Variants in ARCN1 observed in about 807,000 individuals in gnomAD.
The protein encoded by ARCN1 is coatomer subunit delta.
A neutral mutation model predicts 60.4 loss-of-function variants in ARCN1; 5 were observed. That is an observed-to-expected ratio of 0.08 (90% CI 0.04 to 0.17). The LOEUF (loss-of-function observed/expected upper bound fraction) is 0.17, where lower values mean the gene tolerates loss of function less well. ARCN1 is among the 10% of genes least tolerant of loss of function. The pLI is 1.00. For missense variants in ARCN1, 464 were observed against 626.5 expected, an observed-to-expected ratio of 0.74 and a Z score of 2.77; for synonymous variants, 224 against 220.0, an observed-to-expected ratio of 1.02 and a Z score of -0.16.
At chr11:118,598,415 A>T (rs952816479) in intron 9 of ARCN1, among the ~76,000 whole-genome samples, 5 of 151,884 alleles carry the variant, frequency 3.3e-5, no homozygotes, top group African/African-American at 1.2e-4. Flanking sequence ...ACAAATAATC[A>T]TGAGCCAATT....
intron 1 of ARCN1, among the ~76,000 whole-genome samples, chr11:118,575,206 C>A (rs1482119171): frequency 6.6e-6 from 1 of 152,118 alleles, no homozygotes; most frequent in Non-Finnish European, 1.5e-5. Flanking sequence ...TCTCGATCTC[C>A]TCACCTCGTG....
intron 1 of ARCN1, 30 bp downstream of exon 1, chr11:118,572,580 G>T: frequency 6.2e-7 from 1 of 1,601,878 alleles, no homozygotes; most frequent in East Asian, 2.3e-5. Flanking sequence ...CCGAACTCCT[G>T]GGGTCCGAGC....
intron 5 of ARCN1, among the ~76,000 whole-genome samples, chr11:118,588,428 T>C (rs1938822930): frequency 1.3e-5 from 2 of 152,216 alleles, no homozygotes; most frequent in Admixed American, 1.3e-4. Flanking sequence ...ATGGGAGTTA[T>C]GAGCTAGGAA....
chr11:118,589,595 G>T (rs1938852192), intron 5 of ARCN1, among the ~76,000 whole-genome samples: 1 of 152,052 alleles, frequency 6.6e-6, no homozygotes, highest in African/African-American at 2.4e-5. Context: ...TTTTGTTTTT[G>T]TATTTTTAGT....
At position 118,583,865 on chromosome 11, in the gene ARCN1, G is replaced by A; in HGVS notation, c.504G>A (p.Gln168=). 6.2e-7 allele frequency: 1 copy of A among 1,614,216 alleles called. No homozygotes were observed. Among genetic ancestry groups the A allele is most frequent in the African/African-American group, 1.3e-5 (1 of 75,060 alleles). The change falls in exon 4 of 10, where the codon CAG becomes CAA. Residue 168 remains glutamine (Q), a synonymous_variant. Transcript: ENST00000264028. ...GTCGTAAAGCAAAGGAATTACAACA[G>A]GCCCGAAGAGATGCAGAGAGACAGG... ...EMRRKAKELQ[Q]ARRDAERQGK...
chr11:118,590,624 C>G, intron 6 of ARCN1, 118 bp downstream of exon 6: 1 of 1,042,264 alleles, frequency 9.6e-7, no homozygotes, highest in African/African-American at 1.6e-5. Flanking sequence ...ACTAGCATCA[C>G]TCTAAACGCT....
intron 1 of ARCN1, among the ~76,000 whole-genome samples, chr11:118,576,567 C>A (rs1009548128): frequency 6.6e-6 from 1 of 151,334 alleles, no homozygotes; most frequent in African/African-American, 2.4e-5. Context: ...AATTGTTAAA[C>A]CAGTAAACAT....
In ARCN1 at chr11:118,583,345, G is replaced by T. The variant is rs1555074949; in HGVS notation, c.434G>T (p.Arg145Ile). ...GATTCTCATGAGGAGAAGGTGTTCA[G>T]AGCCGTCAGAGAGGTAAATAGGATC... is the stretch of plus-strand genomic sequence containing the variant. Reference protein sequence around the residue: ...EMDSHEEKVFRAVRETQEREA... With the variant: ...EMDSHEEKVFIAVRETQEREA... The change falls in exon 3 of 10, where the codon AGA (arginine) becomes ATA (isoleucine). Residue 145 changes from arginine (R) to isoleucine (I), a missense_variant. By Grantham distance (97) the Arg-to-Ile change is moderately conservative. This residue lies in a region of ARCN1 where 105 missense variants were observed against 186.3 expected (regional missense o/e 0.56). Transcript: ENST00000264028. The T allele has an allele frequency of 6.2e-7, 1 of 1,611,390 alleles. No homozygotes were observed. Among genetic ancestry groups the T allele is most frequent in the African/African-American group, 1.3e-5 (1 of 74,946 alleles).
At chr11:118,593,918 GAGA>G (rs1555076752) in intron 8 of ARCN1, 3 of 382,906 alleles carry the variant, frequency 7.8e-6, no homozygotes, top group Admixed American at 3.7e-5. Flanking sequence ...TGAGGAGGTA[GAGA>G]AGAAGGTACT....
In ARCN1 at chr11:118,602,089, A is replaced by G. The variant is rs571732280; in HGVS notation, c.*1375A>G. The G allele has an allele frequency of 3.1e-4, 75 of 242,002 alleles. No homozygotes were observed. Among genetic ancestry groups the G allele is most frequent in the Non-Finnish European group, 5.4e-4 (67 of 123,900 alleles). The allele number at this position is 242,002 out of a possible 1,614,324, so 15.0% of individuals were successfully genotyped here. A position where few individuals can be genotyped will look rare whatever the true frequency, so the allele number is the denominator to read the frequency against. Reference sequence around the variant, plus strand: ...AGTCTTTGCCAATCCTGTTGGCCCTAAACTATCAAGGAGGCTCCATTTCAC... The same window carrying G: ...AGTCTTTGCCAATCCTGTTGGCCCTGAACTATCAAGGAGGCTCCATTTCAC... On this transcript the variant is annotated 3_prime_UTR_variant, in exon 10 of 10. Coordinates refer to ENST00000264028, the MANE Select transcript of ARCN1 (RefSeq NM_001655.5).
chr11:118,573,823 T>C, intron 1 of ARCN1: 1 of 477,674 alleles, frequency 2.1e-6, no homozygotes. Context: ...TCCTAAAATT[T>C]TTGTGTTGGA....
chr11:118,597,465 A>C (rs1267497378), intron 8 of ARCN1, among the ~76,000 whole-genome samples: 1 of 152,228 alleles, frequency 6.6e-6, no homozygotes, highest in African/African-American at 2.4e-5. Flanking sequence ...GCCCATAGGC[A>C]TATCTGCCAA....
chr11:118,592,375 CA>C (rs1312577631), intron 6 of ARCN1, among the ~76,000 whole-genome samples: 1 of 152,152 alleles, frequency 6.6e-6, no homozygotes, highest in East Asian at 1.9e-4. Context: ...TTCTGCTTGG[CA>C]AACCTGGCCC....
At chr11:118,590,651 A>G in intron 6 of ARCN1, 145 bp downstream of exon 6, 14 of 817,898 alleles carry the variant, frequency 1.7e-5, no homozygotes, top group Non-Finnish European at 2.6e-5. Context: ...AGAAGTTAAT[A>G]TATTGCATAC....
intron 1 of ARCN1, among the ~76,000 whole-genome samples, chr11:118,577,108 G>C (rs1938534141): frequency 6.6e-6 from 1 of 152,126 alleles, no homozygotes; most frequent in African/African-American, 2.4e-5. Context: ...AATCACCTGA[G>C]CCCAGAAGGT....
chr11:118,592,507 A>T (rs541672621), intron 6 of ARCN1, among the ~76,000 whole-genome samples: 90 of 152,026 alleles, frequency 5.9e-4, no homozygotes, highest in East Asian at 1.7e-3. Flanking sequence ...CTTTTTTTTT[A>T]AAAAATTACT....
At chr11:118,576,250 A>G (rs1192040962) in intron 1 of ARCN1, among the ~76,000 whole-genome samples, 6 of 151,760 alleles carry the variant, frequency 4.0e-5, no homozygotes, top group African/African-American at 1.5e-4. Context: ...TACTCAAACC[A>G]TGTAAGAATT....
chr11:118,582,554 G>GTC (rs1156652152), intron 2 of ARCN1, among the ~76,000 whole-genome samples: 1 of 151,002 alleles, frequency 6.6e-6, no homozygotes, highest in African/African-American at 2.4e-5. Context: ...GTGAAACCTC[G>GTC]TCTCTACTCA....
chr11:118,597,490 A>G (rs1326253221), intron 8 of ARCN1, among the ~76,000 whole-genome samples: 1 of 152,200 alleles, frequency 6.6e-6, no homozygotes, highest in East Asian at 1.9e-4. Context: ...CTATTTTTGC[A>G]TATTAACTAT....
Sources: gnomAD v4.1 joint callset for allele counts (sites outside exome capture counted in the v4.1 genomes callset) on GRCh38, gnomAD v4.1.1 for gene constraint, gnomAD v4.1.1 regional missense constraint, MANE v1.5 for transcripts, NCBI Gene and HGNC (gene_info 2026-07-23, HGNC 2026-07-21) for gene names.